The following CHD9 variants were observed in gnomAD, a reference collection of about 807,000 sequenced individuals.
The protein encoded by CHD9 is chromodomain helicase DNA binding protein 9.
A neutral mutation model predicts 316.1 loss-of-function variants in CHD9; 77 were observed. The ratio of observed to expected loss-of-function variants is 0.24; its 90% CI spans 0.20 to 0.29. CHD9 has a LOEUF of 0.29. Ranked by LOEUF, CHD9 falls within the 10% of genes least tolerant of loss-of-function variation. The pLI is 1.00. For missense variants in CHD9, 2,763 were observed against 3,438.1 expected, an observed-to-expected ratio of 0.80 and a Z score of 4.91; for synonymous variants, 1,129 against 1,158.3, an observed-to-expected ratio of 0.97 and a Z score of 0.51.
intron 1 of CHD9, among the ~76,000 whole-genome samples, chr16:53,113,364 C>CTTTTT (rs35792251): frequency 2.6e-4 from 30 of 115,992 alleles, no homozygotes; most frequent in East Asian, 1.5e-3. Context: ...AATCTTGGCA[C>CTTTTT]TTTTTTTTTT....
intron 22 of CHD9, among the ~76,000 whole-genome samples, chr16:53,271,143 G>A (rs1597744604): frequency 6.7e-6 from 1 of 150,292 alleles, no homozygotes; most frequent in East Asian, 1.9e-4. Flanking sequence ...ACCCTTCAGT[G>A]AGCCCACAAT....
At chr16:53,288,942 A>C (rs920644320) in intron 27 of CHD9, among the ~76,000 whole-genome samples, 4 of 151,560 alleles carry the variant, frequency 2.6e-5, no homozygotes, top group Non-Finnish European at 5.9e-5. Flanking sequence ...TAAAAACAAA[A>C]AGCACCTGTA....
At chr16:53,120,803 G>C (rs2038691755) in intron 1 of CHD9, among the ~76,000 whole-genome samples, 1 of 151,944 alleles carries the variant, frequency 6.6e-6, no homozygotes, top group Admixed American at 6.6e-5. Flanking sequence ...CCAGGAGTTT[G>C]AGAGCAGCCT....
chr16:53,324,813 G>A lies in CHD9; in HGVS notation c.8612G>A (p.Gly2871Asp), dbSNP rs767474050. ...SPLNENSTDE[G>D]SEKADASSGS... is the part of the protein sequence containing the mutation. The stretch of plus-strand genomic sequence containing the variant: ...CTCAATGAAAACAGCACAGATGAGG[G>A]TTCAGAGAAAGCTGATGCTTCATCT... Residue 2871 changes from glycine (G) to aspartate (D), a missense_variant, in exon 39 of 39, where the codon GGT becomes GAT. Physicochemically the swap from Gly to Asp is moderately conservative, Grantham distance 94 (BLOSUM62 -1). Around this residue, in one of 15 missense-constraint regions of CHD9, gnomAD observed 298 missense variants for 380.2 expected, o/e 0.78. Transcript: ENST00000447540. 2.9e-5 allele frequency: 47 copies of A among 1,612,560 alleles called. No individual in the cohort carries two copies. Among genetic ancestry groups the A allele is most frequent in the Non-Finnish European group, 4.0e-5 (47 of 1,179,282 alleles).
In CHD9 at chr16:53,308,776, T is replaced by C. The variant is rs774562394; in HGVS notation, c.7144T>C (p.Tyr2382His). The change falls in exon 34 of 39, where the codon TAC becomes CAC. Residue 2382 changes from tyrosine (Y) to histidine (H), a missense_variant. Tyr to His is a moderately conservative substitution (Grantham distance 83). Transcript: ENST00000447540. ...AGACGGTGCTCTGGGGCAGCAGCAG[T>C]ACCTCACTCGGCTTCGAGAGCTTCA... ...GEDGALGQQQ[Y>H]LTRLRELQSA... is the part of the protein sequence containing the mutation. 6.2e-7 allele frequency: 1 copy of C among 1,613,656 alleles called. No homozygotes were observed. The highest frequency in any genetic ancestry group is 1.1e-5 in the South Asian group (1 of 90,964).
In CHD9 at chr16:53,229,011, G is replaced by A. The variant is rs778699088; in HGVS notation, c.2197G>A (p.Glu733Lys). The A allele has an allele frequency of 6.3e-7, 1 of 1,589,700 alleles. No homozygotes were observed. Among genetic ancestry groups the A allele is most frequent in the South Asian group, 1.2e-5 (1 of 85,862 alleles). Residue 733 changes from glutamate (E) to lysine (K), a missense_variant, in exon 8 of 39, where the codon GAA (glutamate) becomes AAA (lysine). Around this residue, in one of 15 missense-constraint regions of CHD9, gnomAD observed 859 missense variants for 890.4 expected, o/e 0.96. Transcript: ENST00000447540. ...CTATCTTCACTGTGAGTGGGCCACA[G>A]AAGAGCAGCTTTTGAAAGATAAAAG... The part of the protein sequence containing the change: ...YSYLHCEWAT[E>K]EQLLKDKRIQ...
Position 53,291,875 on chromosome 16 carries a change from T to G in CHD9, c.5290+108T>G. On this transcript the variant is annotated intron_variant, in intron 28 of 38. Transcript: ENST00000447540. Reference sequence around the variant, plus strand: ...TTTATAATGTTTCATATATAAAAATTTTTATTGACTGCCATTGTAATCGTT... The same window carrying G: ...TTTATAATGTTTCATATATAAAAATGTTTATTGACTGCCATTGTAATCGTT... 6 of 631,660 alleles carry G rather than the reference T, an allele frequency of 9.5e-6. No individual in the cohort carries two copies. The South Asian group carries it at 2.0e-4, about 21-fold the overall frequency. The allele number at this position is 631,660 out of a possible 1,614,324, so 39.1% of individuals were successfully genotyped here.
intron 19 of CHD9, among the ~76,000 whole-genome samples, chr16:53,262,569 A>C (rs35020801): frequency 1.1e-4 from 17 of 152,270 alleles, no homozygotes; most frequent in African/African-American, 4.1e-4. Context: ...AGATATTACT[A>C]TCTGAAAATG....
At chr16:53,209,358 G>A (rs569099567) in intron 2 of CHD9, 124 bp from the exon 3 acceptor site, 23 of 661,836 alleles carry the variant, frequency 3.5e-5, no homozygotes, top group African/African-American at 3.3e-4. Context: ...TTTGTTTGTA[G>A]CACTCACATA....
chr16:53,196,825 T>C (rs1480315648), intron 2 of CHD9, among the ~76,000 whole-genome samples: 2 of 152,248 alleles, frequency 1.3e-5, no homozygotes, highest in Admixed American at 1.3e-4. Flanking sequence ...TAAAGTTTTA[T>C]GTGAATCATC....
intron 24 of CHD9, among the ~76,000 whole-genome samples, chr16:53,277,711 T>G (rs2052992169): frequency 1.3e-5 from 2 of 152,132 alleles, no homozygotes; most frequent in South Asian, 4.1e-4. Flanking sequence ...TAGAAAAGGA[T>G]GCCCACTCTC....
At chr16:53,183,849 A>G (rs1338286456) in intron 2 of CHD9, among the ~76,000 whole-genome samples, 1 of 152,242 alleles carries the variant, frequency 6.6e-6, no homozygotes, top group Non-Finnish European at 1.5e-5. Context: ...CATGTTTGTT[A>G]ATCTTTCCAA....
chr16:53,122,544 C>CCTT (rs1051954207), intron 1 of CHD9, among the ~76,000 whole-genome samples: 11 of 129,848 alleles, frequency 8.5e-5, no homozygotes, highest in African/African-American at 3.1e-4. Context: ...CTGGGAATCC[C>CCTT]TTTTTTTTTT....
At chr16:53,130,672 C>G (rs1332629613) in intron 1 of CHD9, among the ~76,000 whole-genome samples, 1 of 151,624 alleles carries the variant, frequency 6.6e-6, no homozygotes, top group Non-Finnish European at 1.5e-5. Context: ...ATTGGGTCGG[C>G]GGCGCGGCGG....
At chr16:53,307,550 C>T (rs755949635) in intron 32 of CHD9, 131 bp from the exon 33 acceptor site, 12 of 737,004 alleles carry the variant, frequency 1.6e-5, no homozygotes, top group South Asian at 1.6e-4. Context: ...TATATATACA[C>T]GAGAATATGT....
chr16:53,220,240 T>C (rs1299220962), intron 3 of CHD9, among the ~76,000 whole-genome samples: 2 of 152,230 alleles, frequency 1.3e-5, no homozygotes, highest in Non-Finnish European at 2.9e-5. Flanking sequence ...TTATTTACTT[T>C]CTTCACATAT....
In CHD9 at chr16:53,157,055, T is replaced by C. The variant is rs368501690; in HGVS notation, c.966T>C (p.Thr322=). The change falls in exon 2 of 39, where the codon ACT becomes ACC. Residue 322 remains threonine (T), a synonymous_variant. Transcript: ENST00000447540. The part of the protein sequence containing the change: ...SPHRGIKQES[T]QHILNPNTSL... ...ATAGAGGAATCAAGCAAGAATCTAC[T>C]CAGCATATCCTAAACCCCAATACAT... 2 of 1,613,194 alleles carry C rather than the reference T, an allele frequency of 1.2e-6. No individual in the cohort carries two copies. The highest frequency in any genetic ancestry group is 1.7e-6 in the Non-Finnish European group (2 of 1,179,744).
intron 1 of CHD9, among the ~76,000 whole-genome samples, chr16:53,119,745 T>C (rs1248719197): frequency 1.3e-5 from 2 of 152,074 alleles, no homozygotes; most frequent in Non-Finnish European, 2.9e-5. Flanking sequence ...GGCAGGATAA[T>C]TGCTTGAACC....
intron 13 of CHD9, among the ~76,000 whole-genome samples, chr16:53,243,751 AT>A (rs1176985580): frequency 1.3e-5 from 2 of 152,234 alleles, no homozygotes; most frequent in African/African-American, 4.8e-5. Context: ...GTTGGTTATA[AT>A]TAATAGTGGG....
Sources: allele counts gnomAD v4.1 joint callset (sites outside exome capture counted in the v4.1 genomes callset), GRCh38; gene constraint gnomAD v4.1.1; regional missense constraint gnomAD v4.1.1; transcripts MANE v1.5; gene names NCBI Gene and HGNC (gene_info 2026-07-23, HGNC 2026-07-21).